The following NHSL2 variants were observed in gnomAD, a reference collection of about 807,000 sequenced individuals.
NHSL2 encodes NHS like 2.
In NHSL2, 27 loss-of-function variants were observed where a neutral mutation model predicts 53.4. That is an observed-to-expected ratio of 0.51 (90% CI 0.37 to 0.70). The LOEUF is 0.70. Ranked by LOEUF, NHSL2 falls within the 30% of genes least tolerant of loss-of-function variation. NHSL2 has a pLI of 0.00. For synonymous variants in NHSL2, 408 were observed against 404.1 expected (o/e 1.01, Z -0.12); for missense variants, 892 against 980.1 (o/e 0.91, Z 1.20).
rs751512032 is a variant in NHSL2, at chrX:72,132,158, C to A, written c.360C>A (p.Phe120Leu). ...CATGGCGACAGCCAGTGAACGTGTT[C>A]CTCTCCTCGGGCAGGCCCCCGAGTG... ...RSSWRQPVNV[F>L]LSSGRPPSVE... is the part of the protein sequence containing the mutation. The change falls in exon 2 of 8, where the codon TTC becomes TTA. Residue 120 changes from phenylalanine (F) to leucine (L), a missense_variant. Physicochemically the swap from Phe to Leu is conservative, Grantham distance 22. Coordinates refer to ENST00000633930, the MANE Select transcript of NHSL2 (RefSeq NM_001013627.3). 6 of 1,164,973 alleles carry A rather than the reference C, an allele frequency of 5.2e-6. No homozygotes were observed. The African/African-American group carries it at 9.0e-5, about 17-fold the overall frequency.
chrX:71,968,360 T>C (rs1269904445), intron 1 of NHSL2, among the ~76,000 whole-genome samples: 1 of 111,670 alleles, frequency 9.0e-6, no homozygotes, highest in East Asian at 2.8e-4. Context: ...CTGAATAATA[T>C]TCCATTCCAT....
chrX:71,916,765 T>C (rs1415538625), intron 1 of NHSL2, among the ~76,000 whole-genome samples: 2 of 112,693 alleles, frequency 1.8e-5, no homozygotes, highest in African/African-American at 6.4e-5. Context: ...AAAACCAATC[T>C]GTCATTCTGT....
chrX:71,931,708 C>G (rs1164513974), intron 1 of NHSL2, among the ~76,000 whole-genome samples: 2 of 112,668 alleles, frequency 1.8e-5, no homozygotes, highest in Non-Finnish European at 1.9e-5. Context: ...ACTGTCAATT[C>G]TATTACTTTG....
chrX:72,062,942 A>G (rs144001806), intron 1 of NHSL2, among the ~76,000 whole-genome samples: 2,931 of 112,061 alleles, frequency 0.026, 50 homozygotes, highest in East Asian at 0.11. Flanking sequence ...TCAGGAGGTA[A>G]TTAGGTTCAT....
At chrX:71,992,610 C>T (rs1223411418) in intron 1 of NHSL2, among the ~76,000 whole-genome samples, 7 of 112,608 alleles carry the variant, frequency 6.2e-5, no homozygotes. Flanking sequence ...TTATGGAACA[C>T]ATTTCAAAGC....
At chrX:71,996,068 A>C (rs1044219320) in intron 1 of NHSL2, among the ~76,000 whole-genome samples, 1 of 112,377 alleles carries the variant, frequency 8.9e-6, no homozygotes, top group African/African-American at 3.2e-5. Context: ...ACCTTGGGCA[A>C]GTCCCTTCCC....
At position 72,151,713 on chromosome X, in the gene NHSL2, T is replaced by C. The variant is rs1277545686; in HGVS notation, c.*8139T>C. ...TTTCTGAGTTCTCTTACTTATTTTG[T>C]TCCATAACTTCTCCCTCATATCTGT... On this transcript the variant is annotated 3_prime_UTR_variant, in exon 8 of 8. Transcript: ENST00000633930. 1 of 111,960 alleles carries C rather than the reference T, an allele frequency of 8.9e-6. No individual in the cohort carries two copies. 9.2% of individuals were successfully genotyped at this position (111,960 alleles called of 1,213,427 possible). A position where few individuals can be genotyped will look rare whatever the true frequency, so the allele number is the denominator to read the frequency against.
At chrX:72,006,439 C>A (rs1025382405) in intron 1 of NHSL2, among the ~76,000 whole-genome samples, 2 of 112,207 alleles carry the variant, frequency 1.8e-5, no homozygotes, top group Middle Eastern at 4.3e-3. Flanking sequence ...GCTATCTCCA[C>A]CCCTGGGATG....
chrX:71,917,773 TA>T (rs1332141711), intron 1 of NHSL2, among the ~76,000 whole-genome samples: 1 of 111,009 alleles, frequency 9.0e-6, no homozygotes, highest in Non-Finnish European at 1.9e-5. Flanking sequence ...GCTCAGGAAG[TA>T]GCCTGTGCAA....
At chrX:72,021,968 G>C (rs944984119) in intron 1 of NHSL2, among the ~76,000 whole-genome samples, 2 of 111,831 alleles carry the variant, frequency 1.8e-5, no homozygotes, top group African/African-American at 6.5e-5. Context: ...CCTGAATCCT[G>C]TTCCTCCCTA....
chrX:72,115,446 G>A (rs1184271142), intron 1 of NHSL2, among the ~76,000 whole-genome samples: 1 of 92,487 alleles, frequency 1.1e-5, no homozygotes, highest in Non-Finnish European at 2.1e-5. Flanking sequence ...GGGGGGTGCG[G>A]GGGGCGTGAG....
chrX:72,070,125 C>G (rs919019993), intron 1 of NHSL2, among the ~76,000 whole-genome samples: 1 of 111,586 alleles, frequency 9.0e-6, no homozygotes, highest in Non-Finnish European at 1.9e-5. Context: ...CCTTTACTAG[C>G]CGAGCCTCCT....
chrX:71,931,310 G>T (rs1406943626), intron 1 of NHSL2, among the ~76,000 whole-genome samples: 1 of 112,271 alleles, frequency 8.9e-6, no homozygotes. Context: ...CTCATTCTGT[G>T]AGTTGCCTTT....
chrX:71,917,829 G>A (rs898056693), intron 1 of NHSL2, among the ~76,000 whole-genome samples: 1 of 111,175 alleles, frequency 9.0e-6, no homozygotes, highest in African/African-American at 3.3e-5. Flanking sequence ...GGAATTCACT[G>A]CCAGTGATTC....
At chrX:71,960,035 G>A (rs1479440938) in intron 1 of NHSL2, among the ~76,000 whole-genome samples, 1 of 112,147 alleles carries the variant, frequency 8.9e-6, no homozygotes, top group Non-Finnish European at 1.9e-5. Flanking sequence ...GTTCTGCAAT[G>A]TTGTCTTGCT....
chrX:72,082,790 C>T (rs2041803844), intron 1 of NHSL2, among the ~76,000 whole-genome samples: 2 of 111,851 alleles, frequency 1.8e-5, no homozygotes, highest in Non-Finnish European at 3.8e-5. Flanking sequence ...TCACACAGGC[C>T]TCAGGCCCAC....
At chrX:72,131,725 G>C in intron 1 of NHSL2, 1 of 346,451 alleles carries the variant, frequency 2.9e-6, no homozygotes, top group Non-Finnish European at 4.7e-6. Flanking sequence ...TGGGCGGAGG[G>C]CCCGGCGGCT....
At chrX:71,960,256 G>A (rs1465529496) in intron 1 of NHSL2, among the ~76,000 whole-genome samples, 12 of 111,767 alleles carry the variant, frequency 1.1e-4, no homozygotes, top group Non-Finnish European at 1.9e-4. Flanking sequence ...ATATATTCTG[G>A]ATACTAGGCC....
At chrX:71,979,131 G>A (rs1026355549) in intron 1 of NHSL2, among the ~76,000 whole-genome samples, 8 of 110,687 alleles carry the variant, frequency 7.2e-5, no homozygotes, top group African/African-American at 1.6e-4. Context: ...TGGTGTATAT[G>A]TGCCACATTT....
Sources: allele counts gnomAD v4.1 joint callset (sites outside exome capture counted in the v4.1 genomes callset), GRCh38; gene constraint gnomAD v4.1.1; transcripts MANE v1.5; gene names NCBI Gene and HGNC (gene_info 2026-07-23, HGNC 2026-07-21).